The following SGPP2 variants were observed in gnomAD, a reference collection of about 807,000 sequenced individuals.
SGPP2 encodes sphingosine 1-phosphate phosphohydrolase 2.
In SGPP2, 30 loss-of-function variants were observed where a neutral mutation model predicts 33.9. The ratio of observed to expected loss-of-function variants is 0.89; its 90% CI spans 0.66 to 1.20. The LOEUF (loss-of-function observed/expected upper bound fraction) is 1.20. SGPP2 is among the 50% of genes most tolerant of loss of function. The pLI is 0.00. For missense variants in SGPP2, 458 were observed against 532.1 expected, an observed-to-expected ratio of 0.86 and a Z score of 1.37; for synonymous variants, 233 against 225.0, an observed-to-expected ratio of 1.04 and a Z score of -0.32.
At chr2:222,491,982 G>A (rs1457588377) in intron 2 of SGPP2, among the ~76,000 whole-genome samples, 3 of 152,302 alleles carry the variant, frequency 2.0e-5, no homozygotes, top group Admixed American at 1.3e-4. Context: ...AAATCCAGCA[G>A]GGCAATCATT....
At chr2:222,534,599 G>T (rs1698886703) in intron 4 of SGPP2, among the ~76,000 whole-genome samples, 1 of 151,800 alleles carries the variant, frequency 6.6e-6, no homozygotes, top group Non-Finnish European at 1.5e-5. Flanking sequence ...TTTTCATGTT[G>T]TTTAAAAAAA....
At position 222,558,514 on chromosome 2, in the gene SGPP2, A is replaced by C; in HGVS notation, c.816A>C (p.Pro272=). Residue 272 remains proline, a synonymous_variant, in exon 5 of 5, where the codon CCA becomes CCC. Transcript: ENST00000321276. ...ACCCTGTTTCTGATTACTACAGCCC[A>C]ACCCGGGCGGACACCACCACCATTC... is the stretch of plus-strand genomic sequence containing the variant. ...YNYPVSDYYS[P]TRADTTTILA... is the part of the protein sequence containing the mutation. The C allele has an allele frequency of 6.2e-7, 1 of 1,614,180 alleles. No homozygotes were observed. Among genetic ancestry groups the C allele is most frequent in the Non-Finnish European group, 8.5e-7 (1 of 1,180,030 alleles).
intron 1 of SGPP2, among the ~76,000 whole-genome samples, chr2:222,438,923 G>A (rs1285167802): frequency 6.6e-6 from 1 of 152,188 alleles, no homozygotes; most frequent in African/African-American, 2.4e-5. Context: ...TACCAGTCAG[G>A]GAGCCAATGG....
chr2:222,531,755 C>T (rs1369017277), intron 4 of SGPP2, among the ~76,000 whole-genome samples: 1 of 151,488 alleles, frequency 6.6e-6, no homozygotes, highest in Non-Finnish European at 1.5e-5. Context: ...TTTTAAGCTC[C>T]CCCGTTGATT....
chr2:222,458,256 C>T (rs1031851809), intron 1 of SGPP2, among the ~76,000 whole-genome samples: 4 of 151,414 alleles, frequency 2.6e-5, no homozygotes, highest in Admixed American at 1.3e-4. Flanking sequence ...AGAGTCACTG[C>T]GTTGGCCAGG....
chr2:222,539,522 C>A (rs1053837865), intron 4 of SGPP2, among the ~76,000 whole-genome samples: 1 of 152,220 alleles, frequency 6.6e-6, no homozygotes, highest in Non-Finnish European at 1.5e-5. Flanking sequence ...CCACCTCCCA[C>A]TTCTCAGTGC....
intron 1 of SGPP2, among the ~76,000 whole-genome samples, chr2:222,471,337 T>A (rs1258969144): frequency 6.6e-6 from 1 of 152,122 alleles, no homozygotes; most frequent in Non-Finnish European, 1.5e-5. Context: ...ACTGGGAACC[T>A]CTTAGTGAGG....
intron 1 of SGPP2, among the ~76,000 whole-genome samples, chr2:222,457,383 A>G (rs1335024431): frequency 1.3e-5 from 2 of 152,180 alleles, no homozygotes; most frequent in African/African-American, 4.8e-5. Flanking sequence ...ATTTGCCTAT[A>G]AAATATGGCA....
intron 1 of SGPP2, among the ~76,000 whole-genome samples, chr2:222,473,901 G>A (rs1697888317): frequency 8.1e-6 from 1 of 122,732 alleles, no homozygotes. Flanking sequence ...TCCAGCCTGG[G>A]CAACAAGAGC....
chr2:222,434,975 T>TATACACACAC (rs1235621885), intron 1 of SGPP2, among the ~76,000 whole-genome samples: 1 of 146,008 alleles, frequency 6.8e-6, no homozygotes, highest in African/African-American at 2.6e-5. Context: ...TGGAGATATA[T>TATACACACAC]ACACACACAC....
At chr2:222,473,770 C>A (rs558929911) in intron 1 of SGPP2, among the ~76,000 whole-genome samples, 1 of 151,782 alleles carries the variant, frequency 6.6e-6, no homozygotes, top group African/African-American at 2.4e-5. Flanking sequence ...ACTAAAAATA[C>A]AAAATTAGCT....
chr2:222,556,916 C>G (rs913533666), intron 4 of SGPP2, among the ~76,000 whole-genome samples: 1 of 150,632 alleles, frequency 6.6e-6, no homozygotes, highest in Non-Finnish European at 1.5e-5. Flanking sequence ...ACTCTTACTC[C>G]TTCCCTATCC....
At chr2:222,466,346 C>A (rs953603699) in intron 1 of SGPP2, among the ~76,000 whole-genome samples, 6 of 150,520 alleles carry the variant, frequency 4.0e-5, no homozygotes, top group African/African-American at 1.5e-4. Context: ...GTAACCTCCA[C>A]CTCCTGGGTT....
Position 222,424,542 on chromosome 2 carries a change from TGCCAGCGGAG to T in SGPP2, c.-59_-50del. On this transcript the variant is annotated 5_prime_UTR_variant, in exon 1 of 5. Coordinates refer to ENST00000321276, the MANE Select transcript of SGPP2 (RefSeq NM_152386.4). ...GGCGGGGGCGAGGCGGGAGTGGCGGTGCCAGCGGAGGGCACCGGCCCGGCGTGGCAGCGGC... is the reference window on the plus strand; with the variant it reads ...GGCGGGGGCGAGGCGGGAGTGGCGGTGGCACCGGCCCGGCGTGGCAGCGGC... 8.9e-7 allele frequency: 1 copy of T among 1,120,526 alleles called. No individual in the cohort carries two copies. The highest frequency in any genetic ancestry group is 1.6e-5 in the African/African-American group (1 of 61,204). 69.4% of individuals were successfully genotyped at this position (1,120,526 alleles called of 1,614,324 possible).
chr2:222,521,420 T>C (rs1035279114), intron 2 of SGPP2, among the ~76,000 whole-genome samples: 2 of 152,198 alleles, frequency 1.3e-5, no homozygotes. Context: ...ATCTGTAAAA[T>C]TGGTCTGCAT....
intron 4 of SGPP2, among the ~76,000 whole-genome samples, chr2:222,543,305 G>A (rs780776845): frequency 3.3e-5 from 5 of 152,240 alleles, no homozygotes; most frequent in South Asian, 2.1e-4. Flanking sequence ...AGGGTTACCC[G>A]TTATCCTTTA....
chr2:222,516,979 G>A (rs1698612922), intron 2 of SGPP2, among the ~76,000 whole-genome samples: 2 of 152,182 alleles, frequency 1.3e-5, no homozygotes, highest in South Asian at 4.1e-4. Context: ...TAGTGGATGT[G>A]TAGCAGTGTG....
At position 222,476,445 on chromosome 2, in the gene SGPP2, C is replaced by T. The variant is rs1165022087; in HGVS notation, c.378+1719C>T. 6.6e-6 allele frequency among the ~76,000 whole-genome samples: 1 copy of T among 152,140 alleles called. No individual in the cohort carries two copies. The highest frequency in any genetic ancestry group is 1.5e-5 in the Non-Finnish European group (1 of 68,028). ...ATAGCCCTCTTTTGAAATCTAGCTT[C>T]TGTCTAAAAGTATAATCTGAGAGTC... is the stretch of plus-strand genomic sequence containing the variant. On this transcript the variant is annotated intron_variant, in intron 2 of 4. Transcript: ENST00000321276. This position sits in a 1 kb window ranked among gnomAD's most constrained non-coding sequence, Gnocchi z 4.3.
chr2:222,527,788 AATG>A (rs1174880288), intron 4 of SGPP2, among the ~76,000 whole-genome samples: 11 of 152,242 alleles, frequency 7.2e-5, no homozygotes, highest in African/African-American at 2.7e-4. Context: ...CCTAGGGTGC[AATG>A]ATGAGTAATT....
Sources: allele counts gnomAD v4.1 joint callset (sites outside exome capture counted in the v4.1 genomes callset), GRCh38; gene constraint gnomAD v4.1.1; non-coding constraint Gnocchi (gnomAD v3.1); transcripts MANE v1.5; gene names NCBI Gene and HGNC (gene_info 2026-07-23, HGNC 2026-07-21).